Variants in KLHL2 observed in about 807,000 individuals in gnomAD.
KLHL2 encodes kelch like family member 2.
KLHL2 carries 15 observed loss-of-function variants against 75.8 expected under a neutral mutation model. The ratio of observed to expected loss-of-function variants is 0.20; its 90% confidence interval spans 0.13 to 0.30. KLHL2 has a LOEUF of 0.30. Among genes scored for constraint, KLHL2 ranks in the 10% least tolerant of loss-of-function variants. The probability of loss-of-function intolerance (pLI) is 1.00; values close to 1 mark genes in which losing one functional copy is unlikely to be tolerated. For missense variants in KLHL2, 381 were observed against 741.0 expected, an observed-to-expected ratio of 0.51 and a Z score of 5.64; for synonymous variants, 214 against 251.9, an observed-to-expected ratio of 0.85 and a Z score of 1.42.
In KLHL2 at chr4:165,275,967, CA is replaced by C. The variant is rs535341332; in HGVS notation, c.544+12620del. ...AAAACCAGGTCTCTACTAAAAATACCAAAAAAAAAAAAGAGCCAGGCATGGT... is the reference window on the plus strand; with the variant it reads ...AAAACCAGGTCTCTACTAAAAATACCAAAAAAAAAAAGAGCCAGGCATGGT... On this transcript the variant is annotated intron_variant, in intron 5 of 14. Transcript: ENST00000226725. 1.0e-3 allele frequency among the ~76,000 whole-genome samples: 146 copies of C among 144,578 alleles called. 1 individual carries two copies. Among genetic ancestry groups the C allele is most frequent in the South Asian group, 5.8e-3 (26 of 4,490 alleles). 94.8% of individuals were successfully genotyped at this position (144,578 alleles called of 152,430 possible).
chr4:165,240,286 A>G (rs967578090), intron 4 of KLHL2: 1 of 152,248 alleles, frequency 6.6e-6, no homozygotes, highest in African/African-American at 2.4e-5. Flanking sequence ...TGTTGGCTCA[A>G]TCCTTATCCC....
chr4:165,238,080 A>T (rs1739499491), intron 3 of KLHL2, among the ~76,000 whole-genome samples: 1 of 152,204 alleles, frequency 6.6e-6, no homozygotes, highest in African/African-American at 2.4e-5. Context: ...TTTTAGTAAT[A>T]AAGCTGGTAT....
In KLHL2 at chr4:165,319,889, T is replaced by C. The variant is rs926813702; in HGVS notation, c.1753+1920T>C. Among the ~76,000 whole-genome samples, 9 of 152,102 alleles carry C rather than the reference T, an allele frequency of 5.9e-5. No individual in the cohort carries two copies. Among genetic ancestry groups the C allele is most frequent in the African/African-American group, 1.7e-4 (7 of 41,408 alleles). On this transcript the variant is annotated intron_variant, in intron 14 of 14. Coordinates refer to ENST00000226725, the MANE Select transcript of KLHL2 (RefSeq NM_007246.4). The surrounding 1 kb of genome is among the most constrained non-coding windows in gnomAD (Gnocchi z 4.5). ...AAAGGCATACCTGTCAACTCTAATA[T>C]GATTTGAGAAAAAGGAAAGTCATTA...
Position 165,311,514 on chromosome 4 carries a change from G to A in KLHL2, c.1288G>A (p.Val430Ile). The A allele has an allele frequency of 3.7e-6, 6 of 1,614,104 alleles. No individual in the cohort carries two copies. The highest frequency in any genetic ancestry group is 5.1e-6 in the Non-Finnish European group (6 of 1,179,980). The change falls in exon 11 of 15, where the codon GTA becomes ATA. Residue 430 changes from valine to isoleucine, a missense_variant. This residue lies in a region of KLHL2 where 168 missense variants were observed against 370.4 expected (regional missense o/e 0.45). Coordinates refer to ENST00000226725, the MANE Select transcript of KLHL2 (RefSeq NM_007246.4). The part of the protein sequence containing the change: ...YNIKSNEWFH[V>I]APMNTRRSSV... ...CATAAAGTCTAATGAGTGGTTTCAT[G>A]TAGCTCCCATGAATACAAGGAGGAG...
At chr4:165,271,562 G>A (rs546033573) in intron 5 of KLHL2, among the ~76,000 whole-genome samples, 1 of 152,240 alleles carries the variant, frequency 6.6e-6, no homozygotes, top group Admixed American at 6.5e-5. Flanking sequence ...GGAGTCTTTA[G>A]GGCTTTCTAG....
chr4:165,299,931 A>T (rs1207912774), intron 8 of KLHL2, among the ~76,000 whole-genome samples: 1 of 152,128 alleles, frequency 6.6e-6, no homozygotes, highest in Non-Finnish European at 1.5e-5. Context: ...TCTGAGTTTT[A>T]TTAGCTCTAA....
chr4:165,271,848 A>C (rs1314923164), intron 5 of KLHL2, among the ~76,000 whole-genome samples: 3 of 152,120 alleles, frequency 2.0e-5, no homozygotes, highest in African/African-American at 7.2e-5. Flanking sequence ...TAGAACTGTA[A>C]CTTCCCCAGA....
At chr4:165,303,585 TAG>T (rs1464032087) in intron 8 of KLHL2, among the ~76,000 whole-genome samples, 3 of 152,018 alleles carry the variant, frequency 2.0e-5, no homozygotes, top group Non-Finnish European at 4.4e-5. Context: ...TTTTTTGAGA[TAG>T]AGTGTCGCTC....
chr4:165,283,629 A>G (rs548692920), intron 5 of KLHL2, among the ~76,000 whole-genome samples: 3 of 152,230 alleles, frequency 2.0e-5, no homozygotes, highest in South Asian at 2.1e-4. Flanking sequence ...TTGAGTGTCT[A>G]TGGCTTTTCC....
At chr4:165,311,809 C>CTCTGTGTGTGTG (rs1367964726) in intron 11 of KLHL2, among the ~76,000 whole-genome samples, 12 of 144,892 alleles carry the variant, frequency 8.3e-5, no homozygotes, top group African/African-American at 3.0e-4. Flanking sequence ...TCCTTTCTCT[C>CTCTGTGTGTGTG]TGTGTGTGTG....
chr4:165,321,495 TA>T (rs1387133686), intron 14 of KLHL2: 1 of 318,206 alleles, frequency 3.1e-6, no homozygotes, highest in East Asian at 9.4e-5. Context: ...ATATTACATG[TA>T]AAATATGTGT....
chr4:165,225,736 A>G (rs1253569503), intron 2 of KLHL2, among the ~76,000 whole-genome samples: 1 of 152,176 alleles, frequency 6.6e-6, no homozygotes, highest in Non-Finnish European at 1.5e-5. Flanking sequence ...AGTGACCCAA[A>G]CTAGTAAGAG....
chr4:165,317,023 A>G (rs1222049901), intron 13 of KLHL2, among the ~76,000 whole-genome samples: 1 of 152,116 alleles, frequency 6.6e-6, no homozygotes, highest in African/African-American at 2.4e-5. Flanking sequence ...TTCTTATAAT[A>G]CTTTTCTAGA....
chr4:165,289,781 A>G (rs1744367056), intron 5 of KLHL2, among the ~76,000 whole-genome samples: 1 of 152,162 alleles, frequency 6.6e-6, no homozygotes, highest in African/African-American at 2.4e-5. Flanking sequence ...TTTTCTGGTC[A>G]GTGAAGCAGA....
At chr4:165,311,809 C>CTCTCTGTGTG (rs1367964726) in intron 11 of KLHL2, among the ~76,000 whole-genome samples, 1 of 144,892 alleles carries the variant, frequency 6.9e-6, no homozygotes, top group Admixed American at 6.9e-5. Flanking sequence ...TCCTTTCTCT[C>CTCTCTGTGTG]TGTGTGTGTG....
chr4:165,218,754 A>G (rs1737743602), intron 1 of KLHL2, among the ~76,000 whole-genome samples: 1 of 138,478 alleles, frequency 7.2e-6, no homozygotes, highest in Non-Finnish European at 1.6e-5. Context: ...ATGAACGATA[A>G]TGTTTAAAAA....
intron 5 of KLHL2, among the ~76,000 whole-genome samples, chr4:165,265,159 C>G (rs1742146273): frequency 6.6e-6 from 1 of 151,912 alleles, no homozygotes; most frequent in Admixed American, 6.6e-5. Flanking sequence ...GTTTGTTGAC[C>G]ATTTGTATAT....
In KLHL2 at chr4:165,293,691, T is replaced by G. The variant is rs28479399; in HGVS notation, c.545-668T>G. On this transcript the variant is annotated intron_variant, in intron 5 of 14. Transcript: ENST00000226725. Reference sequence around the variant, plus strand: ...GCTAATTTTTTTTTTTTTTTTTTTGTATTTTTAGTAGAGACGGGGTTTCAC... The same window carrying G: ...GCTAATTTTTTTTTTTTTTTTTTTGGATTTTTAGTAGAGACGGGGTTTCAC... Among the ~76,000 whole-genome samples, 1,020 of 138,480 alleles carry G rather than the reference T, an allele frequency of 7.4e-3. 16 individuals carry two copies. Among genetic ancestry groups the G allele is most frequent in the African/African-American group, 0.025 (948 of 38,466 alleles). 90.8% of individuals were successfully genotyped at this position (138,480 alleles called of 152,430 possible).
At chr4:165,288,528 T>G (rs1047094776) in intron 5 of KLHL2, among the ~76,000 whole-genome samples, 1 of 152,220 alleles carries the variant, frequency 6.6e-6, no homozygotes, top group Non-Finnish European at 1.5e-5. Context: ...TCGTTCTTCC[T>G]TTCTAAGCTG....
Sources: allele counts gnomAD v4.1 joint callset (sites outside exome capture counted in the v4.1 genomes callset), GRCh38; gene constraint gnomAD v4.1.1; regional missense constraint gnomAD v4.1.1; non-coding constraint Gnocchi (gnomAD v3.1); transcripts MANE v1.5; gene names NCBI Gene and HGNC (gene_info 2026-07-23, HGNC 2026-07-21).